AIG1: variants seen among roughly 807,000 people sequenced by gnomAD.
AIG1 encodes androgen induced 1.
Under a neutral mutation model 31.4 loss-of-function variants are expected in AIG1, and 23 were observed. The ratio of observed to expected loss-of-function variants is 0.73; its 90% CI spans 0.53 to 1.04. The LOEUF is 1.04. Among genes scored for constraint, AIG1 ranks in the 50% least tolerant of loss-of-function variants. The probability of loss-of-function intolerance (pLI) is 0.00; values close to 1 mark genes in which losing one functional copy is unlikely to be tolerated. For synonymous variants in AIG1, 100 were observed against 110.5 expected (o/e 0.90, Z 0.60); for missense variants, 274 against 295.0 (o/e 0.93, Z 0.52).
intron 1 of AIG1, among the ~76,000 whole-genome samples, chr6:143,072,755 G>T (rs1251820666): frequency 6.6e-6 from 1 of 152,078 alleles, no homozygotes; most frequent in South Asian, 2.1e-4. Context: ...AAATTTCATT[G>T]TGTGTATTTA....
chr6:143,162,091 C>T (rs1786436869), intron 2 of AIG1, among the ~76,000 whole-genome samples: 1 of 152,128 alleles, frequency 6.6e-6, no homozygotes, highest in Non-Finnish European at 1.5e-5. Flanking sequence ...AAGGTATAAG[C>T]TACATTGTCA....
chr6:143,178,788 G>T (rs1562462731), intron 3 of AIG1, among the ~76,000 whole-genome samples: 1 of 152,198 alleles, frequency 6.6e-6, no homozygotes, highest in Non-Finnish European at 1.5e-5. Flanking sequence ...TCTGCAAATG[G>T]TTATGATACT....
In AIG1 at chr6:143,293,922, C is replaced by T. The variant is rs1245870357; in HGVS notation, c.515+9697C>T. Among the ~76,000 whole-genome samples, 2 of 152,098 alleles carry T rather than the reference C, an allele frequency of 1.3e-5. No homozygotes were observed. Among genetic ancestry groups the T allele is most frequent in the East Asian group, 3.8e-4 (2 of 5,196 alleles). ...TTCTCCAGCCATCTCTATCCACTCC[C>T]CTCCACCTCCACCTCACTCTCCCAG... On this transcript the variant is annotated intron_variant, in intron 4 of 5. Transcript: ENST00000357847. This position sits in a 1 kb window ranked among gnomAD's most constrained non-coding sequence, Gnocchi z 4.8.
At chr6:143,304,554 C>A (rs1306628365) in intron 4 of AIG1, among the ~76,000 whole-genome samples, 1 of 152,142 alleles carries the variant, frequency 6.6e-6, no homozygotes, top group Non-Finnish European at 1.5e-5. Context: ...ATTGAACCAG[C>A]CTTGCATCCC....
At chr6:143,069,290 T>C (rs1777030836) in intron 1 of AIG1, among the ~76,000 whole-genome samples, 1 of 152,210 alleles carries the variant, frequency 6.6e-6, no homozygotes, top group African/African-American at 2.4e-5. Context: ...GTATTGGGAT[T>C]ACAGGCATGA....
At chr6:143,226,410 T>A (rs1486454435) in intron 3 of AIG1, among the ~76,000 whole-genome samples, 1 of 151,864 alleles carries the variant, frequency 6.6e-6, no homozygotes, top group African/African-American at 2.4e-5. Flanking sequence ...CAGCTAATTT[T>A]TGTATTTTTT....
chr6:143,236,749 C>T (rs1793835986), intron 3 of AIG1, among the ~76,000 whole-genome samples: 1 of 152,170 alleles, frequency 6.6e-6, no homozygotes, highest in African/African-American at 2.4e-5. Context: ...ACGCCACCCC[C>T]CAACTAAAAC....
At chr6:143,178,425 A>G (rs1023386607) in intron 3 of AIG1, among the ~76,000 whole-genome samples, 1 of 152,114 alleles carries the variant, frequency 6.6e-6, no homozygotes, top group East Asian at 1.9e-4. Context: ...ATGCAATCAC[A>G]TGGTTTCCAG....
intron 3 of AIG1, among the ~76,000 whole-genome samples, chr6:143,260,958 T>A (rs1280092725): frequency 6.6e-6 from 1 of 152,150 alleles, no homozygotes; most frequent in African/African-American, 2.4e-5. Flanking sequence ...AAAGAATGTC[T>A]TTCTCTTTGG....
Position 143,292,292 on chromosome 6 carries a change from A to G in AIG1, c.515+8067A>G, listed in dbSNP as rs777015430. Among the ~76,000 whole-genome samples the G allele has an allele frequency of 6.6e-6, 1 of 152,222 alleles. No individual in the cohort carries two copies. Among genetic ancestry groups the G allele is most frequent in the Non-Finnish European group, 1.5e-5 (1 of 68,036 alleles). On this transcript the variant is annotated intron_variant, in intron 4 of 5. Transcript: ENST00000357847. This position sits in a 1 kb window ranked among gnomAD's most constrained non-coding sequence, Gnocchi z 4.9. ...GTGTGATTAAGGTAAGGACCTTGTG[A>G]TGGACAGGTTAGCCTGCTTTTGCAG...
rs144211872 is a variant in AIG1, at chr6:143,199,160, T to G, written c.399+33977T>G. On this transcript the variant is annotated intron_variant, in intron 3 of 5. Coordinates refer to ENST00000357847, the MANE Select transcript of AIG1 (RefSeq NM_016108.4). ...CTATAACTATTAAATCAGTATTCGT[T>G]GAATAAAATGATTGCAATGAATTGA... Among the ~76,000 whole-genome samples, 641 of 152,244 alleles carry G rather than the reference T, an allele frequency of 4.2e-3. 6 individuals are homozygous for G. The highest frequency in any genetic ancestry group is 0.015 in the African/African-American group (616 of 41,544).
intron 3 of AIG1, among the ~76,000 whole-genome samples, chr6:143,241,181 T>G (rs1317172168): frequency 6.6e-6 from 1 of 152,180 alleles, no homozygotes; most frequent in African/African-American, 2.4e-5. Flanking sequence ...TGTTAGTCAC[T>G]TTTAACAAAG....
chr6:143,112,365 T>C (rs1268471500), intron 1 of AIG1, among the ~76,000 whole-genome samples: 1 of 152,230 alleles, frequency 6.6e-6, no homozygotes, highest in African/African-American at 2.4e-5. Context: ...CACACACCAG[T>C]CTGGAATATA....
At chr6:143,207,708 C>A (rs1791236632) in intron 3 of AIG1, among the ~76,000 whole-genome samples, 1 of 152,096 alleles carries the variant, frequency 6.6e-6, no homozygotes, top group African/African-American at 2.4e-5. Flanking sequence ...ATCTCAGAAT[C>A]CAAATGGTAG....
intron 3 of AIG1, among the ~76,000 whole-genome samples, chr6:143,239,591 T>C (rs2128637890): frequency 6.6e-6 from 1 of 152,348 alleles, no homozygotes; most frequent in South Asian, 2.1e-4. Context: ...TGTTTCCCTC[T>C]CATCTTCCTG....
chr6:143,185,540 A>G (rs1789184970), intron 3 of AIG1, among the ~76,000 whole-genome samples: 1 of 152,092 alleles, frequency 6.6e-6, no homozygotes, highest in South Asian at 2.1e-4. Context: ...CTCCAATGAC[A>G]TCACTTGCTC....
chr6:143,077,095 A>T (rs1203069209), intron 1 of AIG1, among the ~76,000 whole-genome samples: 3 of 152,214 alleles, frequency 2.0e-5, no homozygotes, highest in Admixed American at 2.0e-4. Context: ...ACTTAGAGGG[A>T]ATAGTTTATC....
Position 143,291,176 on chromosome 6 carries a change from G to T in AIG1, c.515+6951G>T, listed in dbSNP as rs149139187. ...CTTGGAAGGATATGGCAGGGCAGAG[G>T]GAGGGGGAGCTGTAAAGCCGCCTGT... On this transcript the variant is annotated intron_variant, in intron 4 of 5. Coordinates refer to ENST00000357847, the MANE Select transcript of AIG1 (RefSeq NM_016108.4). This position sits in a 1 kb window ranked among gnomAD's most constrained non-coding sequence, Gnocchi z 4.2. Among the ~76,000 whole-genome samples, 2,045 of 152,292 alleles carry T rather than the reference G, an allele frequency of 0.013. 33 individuals carry two copies. The highest frequency in any genetic ancestry group is 0.045 in the African/African-American group (1,861 of 41,540).
At chr6:143,066,591 A>G (rs1358284091) in intron 1 of AIG1, among the ~76,000 whole-genome samples, 1 of 152,166 alleles carries the variant, frequency 6.6e-6, no homozygotes, top group Admixed American at 6.5e-5. Flanking sequence ...GCCTATTTTC[A>G]AAACATATTA....
Sources: gnomAD v4.1 joint callset for allele counts (sites outside exome capture counted in the v4.1 genomes callset) on GRCh38, gnomAD v4.1.1 for gene constraint, Gnocchi (gnomAD v3.1) non-coding constraint, MANE v1.5 for transcripts, NCBI Gene and HGNC (gene_info 2026-07-23, HGNC 2026-07-21) for gene names.